ANKS1B: variants seen among roughly 807,000 people sequenced by gnomAD.
ANKS1B encodes ankyrin repeat and sterile alpha motif domain containing 1B.
A neutral mutation model predicts 148.3 loss-of-function variants in ANKS1B; 36 were observed. That is an observed-to-expected ratio of 0.24 (90% confidence interval 0.19 to 0.32). The LOEUF is 0.32. ANKS1B is among the 10% of genes least tolerant of loss of function. The probability of loss-of-function intolerance (pLI) is 1.00; values close to 1 mark genes in which losing one functional copy is unlikely to be tolerated. For missense variants in ANKS1B, 1,157 were observed against 1,542.6 expected, an observed-to-expected ratio of 0.75 and a Z score of 4.19; for synonymous variants, 542 against 560.8, an observed-to-expected ratio of 0.97 and a Z score of 0.47.
chr12:99,352,341 G>A (rs1010701238), intron 12 of ANKS1B, among the ~76,000 whole-genome samples: 8 of 151,880 alleles, frequency 5.3e-5, no homozygotes, highest in Admixed American at 5.3e-4. Context: ...CTAATGAGAA[G>A]TAATGATTAA....
At chr12:99,581,911 A>G (rs576052332) in intron 9 of ANKS1B, among the ~76,000 whole-genome samples, 5 of 151,250 alleles carry the variant, frequency 3.3e-5, no homozygotes, top group East Asian at 1.9e-4. Context: ...AAAAAAAAAA[A>G]AAAAGAAAAA....
intron 17 of ANKS1B, among the ~76,000 whole-genome samples, chr12:98,852,267 T>G (rs1182522154): frequency 6.6e-6 from 1 of 152,084 alleles, no homozygotes; most frequent in Non-Finnish European, 1.5e-5. Flanking sequence ...GAATAGTTGC[T>G]GAATGAATAA....
chr12:99,376,845 G>A (rs931562922), intron 12 of ANKS1B, among the ~76,000 whole-genome samples: 8 of 152,064 alleles, frequency 5.3e-5, no homozygotes, highest in Non-Finnish European at 8.8e-5. Flanking sequence ...TAATTGCACC[G>A]TTTGTCCAGG....
intron 8 of ANKS1B, among the ~76,000 whole-genome samples, chr12:99,726,410 T>A (rs1002325781): frequency 6.6e-6 from 1 of 152,140 alleles, no homozygotes; most frequent in African/African-American, 2.4e-5. Flanking sequence ...CCTGGACACA[T>A]ACATCATCCC....
chr12:99,149,663 G>A (rs972263832), intron 15 of ANKS1B, among the ~76,000 whole-genome samples: 1 of 152,088 alleles, frequency 6.6e-6, no homozygotes, highest in African/African-American at 2.4e-5. Context: ...ATCATGGTGA[G>A]GTTATTGGTC....
chr12:98,944,763 T>C (rs2099842527), intron 17 of ANKS1B, among the ~76,000 whole-genome samples: 1 of 152,242 alleles, frequency 6.6e-6, no homozygotes, highest in Admixed American at 6.5e-5. Flanking sequence ...TCTCTTGCTA[T>C]GCGGATTTAA....
chr12:99,765,046 A>G (rs1201185665), intron 8 of ANKS1B, among the ~76,000 whole-genome samples: 1 of 152,174 alleles, frequency 6.6e-6, no homozygotes, highest in Non-Finnish European at 1.5e-5. Flanking sequence ...ACAAACTGGC[A>G]GGAATGATGA....
At chr12:99,901,055 C>A (rs1459860520) in intron 1 of ANKS1B, among the ~76,000 whole-genome samples, 1 of 152,108 alleles carries the variant, frequency 6.6e-6, no homozygotes, top group Non-Finnish European at 1.5e-5. Flanking sequence ...AGCTAACACA[C>A]AAAATCACTA....
chr12:99,826,537 T>C (rs1434966371), intron 1 of ANKS1B, among the ~76,000 whole-genome samples: 1 of 152,166 alleles, frequency 6.6e-6, no homozygotes, highest in East Asian at 1.9e-4. Flanking sequence ...ACTCAGACTT[T>C]AGGCTTACAT....
intron 14 of ANKS1B, among the ~76,000 whole-genome samples, chr12:99,194,619 C>T (rs1014775684): frequency 4.6e-5 from 7 of 151,890 alleles, no homozygotes; most frequent in Non-Finnish European, 8.8e-5. Context: ...TATTAGCACC[C>T]CAATTCAAAC....
intron 12 of ANKS1B, among the ~76,000 whole-genome samples, chr12:99,315,188 C>G (rs1385323584): frequency 6.7e-6 from 1 of 149,532 alleles, no homozygotes; most frequent in African/African-American, 2.5e-5. Context: ...TGCAGTGAGC[C>G]GAGATTGTGC....
At chr12:99,168,072 C>T (rs990381463) in intron 14 of ANKS1B, among the ~76,000 whole-genome samples, 1 of 152,118 alleles carries the variant, frequency 6.6e-6, no homozygotes, top group African/African-American at 2.4e-5. Flanking sequence ...TACAAAGGGG[C>T]AAAAGGAAAC....
chr12:99,889,606 G>A (rs1026842129), intron 1 of ANKS1B, among the ~76,000 whole-genome samples: 6 of 152,114 alleles, frequency 3.9e-5, no homozygotes, highest in Admixed American at 1.3e-4. Context: ...AAATCCATAT[G>A]AGTCTGAATG....
intron 15 of ANKS1B, among the ~76,000 whole-genome samples, chr12:99,123,941 T>C (rs2063606337): frequency 6.6e-6 from 1 of 152,096 alleles, no homozygotes; most frequent in Non-Finnish European, 1.5e-5. Context: ...GACACTCAAT[T>C]GTAACCATCA....
intron 9 of ANKS1B, among the ~76,000 whole-genome samples, chr12:99,640,223 C>T (rs1052221261): frequency 2.0e-5 from 3 of 151,980 alleles, no homozygotes; most frequent in Non-Finnish European, 4.4e-5. Flanking sequence ...TAGACAAAAA[C>T]GATCATACAA....
intron 1 of ANKS1B, among the ~76,000 whole-genome samples, chr12:99,945,368 A>G (rs1220499546): frequency 6.9e-6 from 1 of 145,254 alleles, no homozygotes; most frequent in African/African-American, 2.6e-5. Context: ...AAAAAAAAAA[A>G]GCCAATGTGG....
At chr12:99,554,412 TACAGA>T (rs2097255454) in intron 9 of ANKS1B, among the ~76,000 whole-genome samples, 1 of 152,152 alleles carries the variant, frequency 6.6e-6, no homozygotes, top group Non-Finnish European at 1.5e-5. Context: ...AGTCTGTAAT[TACAGA>T]ACCTACAAAT....
At chr12:99,753,186 G>A (rs2061268144) in intron 8 of ANKS1B, among the ~76,000 whole-genome samples, 1 of 152,068 alleles carries the variant, frequency 6.6e-6, no homozygotes, top group Non-Finnish European at 1.5e-5. Context: ...AAAAGTCTGA[G>A]CTGGAGTAAG....
rs1306893149 is a variant in ANKS1B at position 99,177,354 on chromosome 12, T to TA, written c.2420-22960dup. Among the ~76,000 whole-genome samples the TA allele has an allele frequency of 1.5e-3, 221 of 152,336 alleles. 1 individual carries two copies. Among genetic ancestry groups the TA allele is most frequent in the African/African-American group, 5.1e-3 (210 of 41,576 alleles). On this transcript the variant is annotated intron_variant, in intron 14 of 26. Coordinates refer to ENST00000683438, the MANE Select transcript of ANKS1B (RefSeq NM_001352186.2). ...AAATTGCATGACATAAACTTTTTTT[T>TA]ATGAGAATTTCACCTGGAGGATGAG...
Sources: gnomAD v4.1 joint callset for allele counts (sites outside exome capture counted in the v4.1 genomes callset) on GRCh38, gnomAD v4.1.1 for gene constraint, MANE v1.5 for transcripts, NCBI Gene and HGNC (gene_info 2026-07-23, HGNC 2026-07-21) for gene names.